Variants in HS6ST3 observed in about 807,000 individuals in gnomAD.
The protein encoded by HS6ST3 is heparan sulfate 6-O-sulfotransferase 3, also known as heparan-sulfate 6-O-sulfotransferase 3.
HS6ST3 carries 12 observed loss-of-function variants against 36.7 expected under a neutral mutation model. The ratio of observed to expected loss-of-function variants is 0.33; its 90% CI spans 0.21 to 0.53. The LOEUF is 0.53. Ranked by LOEUF, HS6ST3 falls within the 20% of genes least tolerant of loss-of-function variation. HS6ST3 has a pLI of 0.95. For missense variants in HS6ST3, 584 were observed against 640.9 expected (o/e 0.91, Z 0.96); for synonymous variants, 240 against 257.5 (o/e 0.93, Z 0.65).
intron 1 of HS6ST3, among the ~76,000 whole-genome samples, chr13:96,313,964 A>C (rs1002131869): frequency 6.6e-6 from 1 of 152,118 alleles, no homozygotes; most frequent in Non-Finnish European, 1.5e-5. Flanking sequence ...ACCTTGGGAA[A>C]CCAAGGCGGG....
intron 1 of HS6ST3, among the ~76,000 whole-genome samples, chr13:96,351,258 A>T (rs571720190): frequency 6.6e-6 from 1 of 151,880 alleles, no homozygotes; most frequent in South Asian, 2.1e-4. Flanking sequence ...ATTAGAGGTT[A>T]TGAGGTTATA....
intron 1 of HS6ST3, among the ~76,000 whole-genome samples, chr13:96,305,627 A>T (rs922295212): frequency 6.6e-5 from 10 of 152,166 alleles, no homozygotes; most frequent in Non-Finnish European, 1.0e-4. Context: ...TTAGAATCTA[A>T]TACTGGGTCT....
Position 96,308,559 on chromosome 13 carries a change from A to G in HS6ST3, c.707+216990A>G, listed in dbSNP as rs148410257. On this transcript the variant is annotated intron_variant, in intron 1 of 1. Coordinates refer to ENST00000376705, the MANE Select transcript of HS6ST3 (RefSeq NM_153456.4). ...TTATGTAAAAGACTTTAACGGTGGAAAAGACTTATTTAAATCCATCTTATT... is the reference window on the plus strand; with the variant it reads ...TTATGTAAAAGACTTTAACGGTGGAGAAGACTTATTTAAATCCATCTTATT... Among the ~76,000 whole-genome samples, 110 of 152,226 alleles carry G rather than the reference A, an allele frequency of 7.2e-4. 2 individuals carry two copies. The highest frequency in any genetic ancestry group is 2.5e-3 in the African/African-American group (105 of 41,570).
intron 1 of HS6ST3, among the ~76,000 whole-genome samples, chr13:96,189,378 A>G (rs1393085581): frequency 6.6e-6 from 1 of 152,142 alleles, no homozygotes; most frequent in Non-Finnish European, 1.5e-5. Context: ...TTCCTGTGTT[A>G]TCCAACCATT....
intron 1 of HS6ST3, among the ~76,000 whole-genome samples, chr13:96,338,582 G>C (rs187620781): frequency 6.6e-6 from 1 of 152,296 alleles, no homozygotes; most frequent in African/African-American, 2.4e-5. Flanking sequence ...TCTGTCAGTT[G>C]TTCGTATGCT....
At chr13:96,207,665 C>G (rs549068736) in intron 1 of HS6ST3, among the ~76,000 whole-genome samples, 24 of 152,210 alleles carry the variant, frequency 1.6e-4, no homozygotes, top group Middle Eastern at 6.8e-3. Context: ...GGAATGAGAC[C>G]ATGTCTTTTG....
chr13:96,263,675 A>C (rs1167190725), intron 1 of HS6ST3, among the ~76,000 whole-genome samples: 1 of 152,230 alleles, frequency 6.6e-6, no homozygotes, highest in African/African-American at 2.4e-5. Context: ...TAAGTATTTA[A>C]TGAATCACAA....
chr13:96,458,564 T>G (rs1212882473), intron 1 of HS6ST3, among the ~76,000 whole-genome samples: 1 of 152,028 alleles, frequency 6.6e-6, no homozygotes, highest in Non-Finnish European at 1.5e-5. Flanking sequence ...TTGACTTTCT[T>G]TTTTAACATT....
chr13:96,784,053 T>C (rs1021300905), intron 1 of HS6ST3, among the ~76,000 whole-genome samples: 1 of 151,582 alleles, frequency 6.6e-6, no homozygotes, highest in Non-Finnish European at 1.5e-5. Context: ...GATTCATCAC[T>C]ATTGGGAGAT....
At chr13:96,146,779 C>CT (rs2054060232) in intron 1 of HS6ST3, among the ~76,000 whole-genome samples, 1 of 152,044 alleles carries the variant, frequency 6.6e-6, no homozygotes, top group Non-Finnish European at 1.5e-5. Context: ...TTATTGAGTA[C>CT]TTTATGATTT....
chr13:96,210,139 T>C (rs2054391886), intron 1 of HS6ST3, among the ~76,000 whole-genome samples: 1 of 152,194 alleles, frequency 6.6e-6, no homozygotes, highest in Admixed American at 6.5e-5. Flanking sequence ...TGCTATCCAG[T>C]TTAATTAAAT....
At chr13:96,121,713 G>A (rs1283018136) in intron 1 of HS6ST3, among the ~76,000 whole-genome samples, 1 of 152,158 alleles carries the variant, frequency 6.6e-6, no homozygotes, top group Non-Finnish European at 1.5e-5. Context: ...TCCATTTGGA[G>A]GAGCAGCTGG....
intron 1 of HS6ST3, among the ~76,000 whole-genome samples, chr13:96,292,984 G>A (rs572478387): frequency 6.6e-6 from 1 of 152,010 alleles, no homozygotes; most frequent in Non-Finnish European, 1.5e-5. Flanking sequence ...GATTAGTGAT[G>A]ATGAATCCTC....
intron 1 of HS6ST3, among the ~76,000 whole-genome samples, chr13:96,400,776 G>A (rs962273540): frequency 3.3e-5 from 5 of 152,098 alleles, no homozygotes; most frequent in African/African-American, 1.2e-4. Flanking sequence ...ATGGTGGTTT[G>A]CACAAAATTT....
At chr13:96,230,554 A>ACAGGT (rs1409474766) in intron 1 of HS6ST3, among the ~76,000 whole-genome samples, 3 of 152,098 alleles carry the variant, frequency 2.0e-5, no homozygotes, top group African/African-American at 4.8e-5. Flanking sequence ...AGCTGAGGAA[A>ACAGGT]CAGGTCAGGG....
At chr13:96,740,207 C>G (rs751934360) in intron 1 of HS6ST3, among the ~76,000 whole-genome samples, 7 of 152,178 alleles carry the variant, frequency 4.6e-5, no homozygotes, top group Admixed American at 3.3e-4. Context: ...TACTGACTCT[C>G]GTTCACTCTC....
intron 1 of HS6ST3, among the ~76,000 whole-genome samples, chr13:96,805,069 C>T (rs1291642916): frequency 6.6e-6 from 1 of 152,142 alleles, no homozygotes; most frequent in Non-Finnish European, 1.5e-5. Flanking sequence ...TTTGGACATA[C>T]ATAAAGTAAT....
chr13:96,814,312 T>G (rs1878377489), intron 1 of HS6ST3, among the ~76,000 whole-genome samples: 1 of 152,190 alleles, frequency 6.6e-6, no homozygotes, highest in South Asian at 2.1e-4. Flanking sequence ...AGGTATAAAA[T>G]TCAATGTTTA....
intron 1 of HS6ST3, among the ~76,000 whole-genome samples, chr13:96,497,534 G>T (rs569615791): frequency 6.6e-6 from 1 of 152,136 alleles, no homozygotes; most frequent in Non-Finnish European, 1.5e-5. Context: ...CTTTCATGGA[G>T]TAGACAGATG....
Sources: gnomAD v4.1 joint callset for allele counts (sites outside exome capture counted in the v4.1 genomes callset) on GRCh38, gnomAD v4.1.1 for gene constraint, MANE v1.5 for transcripts, NCBI Gene and HGNC (gene_info 2026-07-23, HGNC 2026-07-21) for gene names.